The following LYRM4 variants were observed in gnomAD, a reference collection of about 807,000 sequenced individuals.
LYRM4 encodes the protein LYR motif-containing protein 4.
In LYRM4, 9 loss-of-function variants were observed where a neutral mutation model predicts 11.7. The observed-to-expected ratio is 0.77, with a 90% confidence interval of 0.46 to 1.34. The LOEUF (loss-of-function observed/expected upper bound fraction) is 1.34. Ranked by LOEUF, LYRM4 falls within the 40% of genes most tolerant of loss-of-function variation. LYRM4 has a pLI of 0.00. For synonymous variants in LYRM4, 42 were observed against 40.4 expected, an observed-to-expected ratio of 1.04 and a Z score of -0.15; for missense variants, 133 against 112.5, an observed-to-expected ratio of 1.18 and a Z score of -0.82.
chr6:5,141,856 C>T (rs1166813558), intron 2 of LYRM4, among the ~76,000 whole-genome samples: 2 of 152,132 alleles, frequency 1.3e-5, no homozygotes, highest in African/African-American at 4.8e-5. Context: ...TGGAGCTCAG[C>T]CTTTTTGTTT....
Position 5,199,164 on chromosome 6 carries a change from T to A in LYRM4, c.207+17454A>T, listed in dbSNP as rs560935607. Among the ~76,000 whole-genome samples the A allele has an allele frequency of 2.0e-5, 3 of 152,344 alleles. No individual in the cohort carries two copies. The South Asian group carries it at 6.2e-4, about 32-fold the overall frequency. ...AAAGTGGGGATGACCCAAATGTTCATCTACAAATGAATGGATAAAATGTAG... is the reference window on the plus strand; with the variant it reads ...AAAGTGGGGATGACCCAAATGTTCAACTACAAATGAATGGATAAAATGTAG... On this transcript the variant is annotated intron_variant, in intron 2 of 2. Coordinates refer to ENST00000330636, the MANE Select transcript of LYRM4 (RefSeq NM_020408.6).
intron 2 of LYRM4, among the ~76,000 whole-genome samples, chr6:5,142,829 C>T (rs1025401385): frequency 5.3e-5 from 8 of 152,226 alleles, no homozygotes; most frequent in Non-Finnish European, 1.2e-4. Context: ...CCCTACGCTG[C>T]CTCGTAACTT....
intron 2 of LYRM4, among the ~76,000 whole-genome samples, chr6:5,127,013 G>A (rs1052054439): frequency 3.9e-5 from 6 of 152,172 alleles, no homozygotes; most frequent in Admixed American, 6.5e-5. Flanking sequence ...GCAGTGGCAC[G>A]ATCTTGGCTC....
chr6:5,047,722 A>T, the LYRM4 span, among the ~76,000 whole-genome samples: 1 of 152,218 alleles, frequency 6.6e-6, no homozygotes, highest in African/African-American at 2.4e-5. Flanking sequence ...AAAAACCAAC[A>T]ATTTGACAAA....
At chr6:5,054,821 T>C in the LYRM4 span, among the ~76,000 whole-genome samples, 1 of 152,126 alleles carries the variant, frequency 6.6e-6, no homozygotes, top group Non-Finnish European at 1.5e-5. Context: ...CCAACCTGAC[T>C]CTGGTATGGA....
At chr6:5,059,346 A>G in the LYRM4 span, among the ~76,000 whole-genome samples, 7 of 151,636 alleles carry the variant, frequency 4.6e-5, no homozygotes, top group Non-Finnish European at 1.5e-5. Context: ...GTCTCAAAAA[A>G]AAAAAAAAAA....
At chr6:5,245,899 T>C (rs555582839) in intron 1 of LYRM4, among the ~76,000 whole-genome samples, 1 of 152,108 alleles carries the variant, frequency 6.6e-6, no homozygotes, top group East Asian at 1.9e-4. Context: ...AGAGTGACAA[T>C]ACCATCCCCA....
At chr6:5,234,508 G>A (rs1763423987) in intron 1 of LYRM4, among the ~76,000 whole-genome samples, 1 of 152,220 alleles carries the variant, frequency 6.6e-6, no homozygotes, top group Non-Finnish European at 1.5e-5. Flanking sequence ...TGAGAACAGA[G>A]AAAGAGGGAG....
At chr6:5,057,831 A>G in the LYRM4 span, among the ~76,000 whole-genome samples, 9,350 of 151,536 alleles carry the variant, frequency 0.062, 650 homozygotes, top group African/African-American at 0.18. Flanking sequence ...GTGCAATCAT[A>G]GCTCACTGCA....
intron 2 of LYRM4, among the ~76,000 whole-genome samples, chr6:5,146,377 T>C (rs1757722799): frequency 6.6e-6 from 1 of 152,180 alleles, no homozygotes; most frequent in Non-Finnish European, 1.5e-5. Context: ...GAGGGGGTAT[T>C]GTTACCTTCA....
chr6:5,063,436 C>T, the LYRM4 span, among the ~76,000 whole-genome samples: 4 of 152,286 alleles, frequency 2.6e-5, no homozygotes, highest in East Asian at 7.7e-4. Flanking sequence ...TACCTGGCCC[C>T]TCCCCCAGGC....
At chr6:5,066,118 A>G in the LYRM4 span, 1 of 512,644 alleles carries the variant, frequency 2.0e-6, no homozygotes, top group South Asian at 1.8e-5. Context: ...TAATAGCTCC[A>G]ATAATTCCCT....
At chr6:5,168,426 C>T (rs1286872633) in intron 2 of LYRM4, among the ~76,000 whole-genome samples, 1 of 152,204 alleles carries the variant, frequency 6.6e-6, no homozygotes, top group Non-Finnish European at 1.5e-5. Flanking sequence ...GGGAAGCACA[C>T]ATCATGCATG....
intron 2 of LYRM4, among the ~76,000 whole-genome samples, chr6:5,201,705 C>T (rs1264273270): frequency 6.6e-6 from 1 of 152,140 alleles, no homozygotes; most frequent in East Asian, 1.9e-4. Flanking sequence ...TGGGTGCCTT[C>T]CCCAGAGAGG....
At chr6:5,089,338 A>G in the LYRM4 span, 2 of 152,242 alleles carry the variant, frequency 1.3e-5, no homozygotes, top group Admixed American at 6.5e-5. Flanking sequence ...CGATATATTT[A>G]TAAATACATT....
chr6:5,222,887 G>A (rs760576341), intron 1 of LYRM4, among the ~76,000 whole-genome samples: 4 of 151,580 alleles, frequency 2.6e-5, no homozygotes, highest in Non-Finnish European at 5.9e-5. Flanking sequence ...AATTAAATAC[G>A]TTGGTGAGAA....
At chr6:5,215,281 T>A (rs1762212731) in intron 2 of LYRM4, among the ~76,000 whole-genome samples, 1 of 152,226 alleles carries the variant, frequency 6.6e-6, no homozygotes, top group African/African-American at 2.4e-5. Flanking sequence ...AGCTGCTTGT[T>A]CTTCTATGCT....
Position 5,250,300 on chromosome 6 carries a change from T to C in LYRM4, c.86+10348A>G, listed in dbSNP as rs12664608. 2.6e-5 allele frequency among the ~76,000 whole-genome samples: 4 copies of C among 152,160 alleles called. No individual in the cohort carries two copies. The East Asian group carries it at 7.7e-4, about 29-fold the overall frequency. On this transcript the variant is annotated intron_variant, in intron 1 of 2. Transcript: ENST00000330636. ...GTGCAATTTAGAAACTCTTGTAAAC[T>C]ACAGTCAATAAATCAGCAATGACAC...
In LYRM4 at chr6:5,108,949, C is replaced by T; in HGVS notation, c.*474G>A. On this transcript the variant is annotated 3_prime_UTR_variant, in exon 3 of 3. Coordinates refer to ENST00000330636, the MANE Select transcript of LYRM4 (RefSeq NM_020408.6). The stretch of plus-strand genomic sequence containing the variant: ...CAAGTGGTGCTTGAACTTGCCTTCA[C>T]CAAGGCAGTTCTCGTCTCAGAGTTG... 10 of 996,792 alleles carry T rather than the reference C, an allele frequency of 1.0e-5. No homozygotes were observed. Among genetic ancestry groups the T allele is most frequent in the Non-Finnish European group, 1.2e-5 (10 of 835,864 alleles). The allele number at this position is 996,792 out of a possible 1,614,324, so 61.7% of individuals were successfully genotyped here.
Sources: allele counts gnomAD v4.1 joint callset (sites outside exome capture counted in the v4.1 genomes callset), GRCh38; gene constraint gnomAD v4.1.1; transcripts MANE v1.5; gene names NCBI Gene and HGNC (gene_info 2026-07-23, HGNC 2026-07-21).